The following KCNN3 variants were observed in gnomAD, a reference collection of about 807,000 sequenced individuals.
KCNN3 encodes small conductance calcium-activated potassium channel protein 3.
KCNN3 carries 16 observed loss-of-function variants against 62.9 expected under a neutral mutation model. The observed-to-expected ratio is 0.25, with a 90% CI of 0.17 to 0.39. The LOEUF (loss-of-function observed/expected upper bound fraction) is 0.39, where lower values mean the gene tolerates loss of function less well. KCNN3 is among the 10% of genes least tolerant of loss of function. The probability of loss-of-function intolerance (pLI) is 1.00; values close to 1 mark genes in which losing one functional copy is unlikely to be tolerated. For missense variants in KCNN3, 599 were observed against 949.4 expected (o/e 0.63, Z 4.85); for synonymous variants, 370 against 389.2 (o/e 0.95, Z 0.58).
At chr1:154,724,777 G>A (rs531324165) in intron 5 of KCNN3, among the ~76,000 whole-genome samples, 10 of 152,058 alleles carry the variant, frequency 6.6e-5, no homozygotes, top group Admixed American at 2.6e-4. Flanking sequence ...AACATTACCC[G>A]GAAAACCCAA....
intron 3 of KCNN3, among the ~76,000 whole-genome samples, chr1:154,736,395 C>T (rs993489481): frequency 6.6e-6 from 1 of 152,172 alleles, no homozygotes; most frequent in Non-Finnish European, 1.5e-5. Context: ...GAAGTTTAGG[C>T]TGGAGAACTA....
rs1249961434 is a variant in KCNN3, at chr1:154,713,589, C to A, written c.1830-56G>T. 11 of 1,426,670 alleles carry A rather than the reference C, an allele frequency of 7.7e-6. 1 individual carries two copies. The highest frequency in any genetic ancestry group is 1.1e-5 in the Non-Finnish European group (11 of 1,012,178). The allele number at this position is 1,426,670 out of a possible 1,614,324, so 88.4% of individuals were successfully genotyped here. On this transcript the variant is annotated intron_variant, in intron 6 of 7. Transcript: ENST00000271915. ...TTCAAGTCCATGCAAAGGTTTAGCC[C>A]CACCAGCAGATCCTCCAGCCCTACC... is the stretch of plus-strand genomic sequence containing the variant.
At chr1:154,762,315 T>C (rs1346934966) in intron 3 of KCNN3, among the ~76,000 whole-genome samples, 4 of 152,206 alleles carry the variant, frequency 2.6e-5, no homozygotes, top group Non-Finnish European at 5.9e-5. Flanking sequence ...AATAAGAAGA[T>C]TCTCCAGCAC....
At chr1:154,817,798 C>A (rs904408449) in intron 2 of KCNN3, among the ~76,000 whole-genome samples, 1 of 152,204 alleles carries the variant, frequency 6.6e-6, no homozygotes, top group Non-Finnish European at 1.5e-5. Flanking sequence ...ATCTAGAGAA[C>A]TGGGCTCCTG....
intron 2 of KCNN3, among the ~76,000 whole-genome samples, chr1:154,816,712 A>G (rs1241470799): frequency 1.3e-5 from 2 of 152,108 alleles, no homozygotes; most frequent in Non-Finnish European, 2.9e-5. Flanking sequence ...GCCCATGATG[A>G]CGTGCTTCCC....
intron 2 of KCNN3, among the ~76,000 whole-genome samples, chr1:154,779,715 T>C (rs1648941849): frequency 6.6e-6 from 1 of 152,164 alleles, no homozygotes; most frequent in South Asian, 2.1e-4. Flanking sequence ...GCAGTGGACC[T>C]TGTTGGCAAA....
chr1:154,756,267 G>T (rs1571243652), intron 3 of KCNN3, among the ~76,000 whole-genome samples: 1 of 150,912 alleles, frequency 6.6e-6, no homozygotes, highest in East Asian at 2.0e-4. Flanking sequence ...CAAAGAAGAA[G>T]AAGACGACGA....
chr1:154,732,440 C>T (rs1700616909), intron 4 of KCNN3, among the ~76,000 whole-genome samples: 1 of 152,218 alleles, frequency 6.6e-6, no homozygotes, highest in African/African-American at 2.4e-5. Context: ...AGCCCAGCCC[C>T]TCCATAGGCA....
At chr1:154,797,854 T>A (rs1173958927) in intron 2 of KCNN3, among the ~76,000 whole-genome samples, 3 of 152,208 alleles carry the variant, frequency 2.0e-5, no homozygotes, top group African/African-American at 7.2e-5. Context: ...TGTAACTTGC[T>A]GTGTGGACTT....
chr1:154,848,345 T>C (rs1318817852), intron 1 of KCNN3, among the ~76,000 whole-genome samples: 1 of 152,056 alleles, frequency 6.6e-6, no homozygotes, highest in African/African-American at 2.4e-5. Context: ...CCCCCATATC[T>C]TCCCTTCCCA....
chr1:154,698,203 T>C lies in KCNN3; in HGVS notation c.*9773A>G, dbSNP rs1699777458. On this transcript the variant is annotated 3_prime_UTR_variant, in exon 8 of 8. Transcript: ENST00000271915. ...CACCTAATTTGCATTTTTATTATTA[T>C]TATTATTTACCTAGAACTACAGAAA... The C allele has an allele frequency of 6.6e-6, 1 of 152,216 alleles. No individual in the cohort carries two copies. The highest frequency in any genetic ancestry group is 1.5e-5 in the Non-Finnish European group (1 of 68,036). 9.4% of individuals were successfully genotyped at this position (152,216 alleles called of 1,614,324 possible). A position where few individuals can be genotyped will look rare whatever the true frequency, so the allele number is the denominator to read the frequency against.
intron 2 of KCNN3, among the ~76,000 whole-genome samples, chr1:154,787,837 A>T (rs1777907): frequency 0.036 from 5,322 of 146,030 alleles, 296 homozygotes; most frequent in African/African-American, 0.13. Flanking sequence ...GCCTGCTTCC[A>T]GGGCCCACGC....
chr1:154,748,715 C>T (rs1426165257), intron 3 of KCNN3, among the ~76,000 whole-genome samples: 5 of 152,152 alleles, frequency 3.3e-5, no homozygotes, highest in African/African-American at 1.2e-4. Context: ...AATCCAAGCA[C>T]TTTGGGAGGC....
chr1:154,868,283 T>C (rs1371754935), intron 1 of KCNN3: 1 of 985,596 alleles, frequency 1.0e-6, no homozygotes, highest in Admixed American at 6.1e-5. Context: ...TATCAGGAGA[T>C]GTTTACGAAG....
chr1:154,827,816 T>TAAC (rs1317785703), intron 1 of KCNN3, among the ~76,000 whole-genome samples: 2 of 151,820 alleles, frequency 1.3e-5, no homozygotes, highest in African/African-American at 4.8e-5. Flanking sequence ...ATAATAATAA[T>TAAC]AACAACAACA....
intron 4 of KCNN3, among the ~76,000 whole-genome samples, chr1:154,727,666 C>T (rs774684435): frequency 2.0e-5 from 3 of 152,204 alleles, no homozygotes; most frequent in African/African-American, 4.8e-5. Context: ...TGTTCGAGGA[C>T]GGCTGTGTTT....
At chr1:154,715,760 C>T (rs777729180) in intron 5 of KCNN3, among the ~76,000 whole-genome samples, 4 of 152,204 alleles carry the variant, frequency 2.6e-5, no homozygotes, top group Non-Finnish European at 5.9e-5. Context: ...GCTGCCCTTA[C>T]ATGCAGACTT....
At chr1:154,760,498 G>A (rs974911805) in intron 3 of KCNN3, among the ~76,000 whole-genome samples, 3 of 152,000 alleles carry the variant, frequency 2.0e-5, no homozygotes, top group Non-Finnish European at 2.9e-5. Flanking sequence ...CCCTGAAGCC[G>A]CTCCGGCTGT....
intron 1 of KCNN3, among the ~76,000 whole-genome samples, chr1:154,825,524 C>A (rs1651071737): frequency 6.6e-6 from 1 of 151,852 alleles, no homozygotes; most frequent in Middle Eastern, 3.4e-3. Flanking sequence ...CGCCACTACA[C>A]CCGGCTAATT....
Sources: allele counts gnomAD v4.1 joint callset (sites outside exome capture counted in the v4.1 genomes callset), GRCh38; gene constraint gnomAD v4.1.1; transcripts MANE v1.5; gene names NCBI Gene and HGNC (gene_info 2026-07-23, HGNC 2026-07-21).